Variants in ELL observed in about 807,000 individuals in gnomAD.
ELL encodes the protein elongation factor for RNA polymerase II, also known as RNA polymerase II elongation factor ELL.
In ELL, 18 loss-of-function variants were observed where a neutral mutation model predicts 64.0. The observed-to-expected ratio is 0.28, with a 90% CI of 0.19 to 0.42. ELL has a LOEUF of 0.42. Ranked by LOEUF, ELL falls within the 10% of genes least tolerant of loss-of-function variation. The pLI is 1.00. For synonymous variants in ELL, 399 were observed against 376.2 expected, an observed-to-expected ratio of 1.06 and a Z score of -0.70; for missense variants, 797 against 870.4, an observed-to-expected ratio of 0.92 and a Z score of 1.06.
chr19:18,456,792 C>A (rs1276952764), intron 6 of ELL, among the ~76,000 whole-genome samples: 1 of 152,126 alleles, frequency 6.6e-6, no homozygotes, highest in African/African-American at 2.4e-5. Flanking sequence ...CCTGCAGTGA[C>A]TTGGGCCCCC....
intron 2 of ELL, among the ~76,000 whole-genome samples, chr19:18,468,363 G>A (rs1469643776): frequency 3.3e-5 from 5 of 152,178 alleles, no homozygotes; most frequent in Admixed American, 6.5e-5. Flanking sequence ...CTGCTTCGAC[G>A]CCACTGAGGT....
intron 1 of ELL, among the ~76,000 whole-genome samples, chr19:18,514,524 A>AG (rs1976091129): frequency 6.6e-6 from 1 of 151,568 alleles, no homozygotes; most frequent in African/African-American, 2.4e-5. Context: ...AAAAAAAAAA[A>AG]AAAAAAAAAA....
At chr19:18,508,213 C>T (rs1056538242) in intron 1 of ELL, among the ~76,000 whole-genome samples, 2 of 152,238 alleles carry the variant, frequency 1.3e-5, no homozygotes, top group African/African-American at 4.8e-5. Context: ...GAGGCCAAGG[C>T]GGGAGGATCA....
chr19:18,450,322 G>A (rs1018232233), intron 8 of ELL, among the ~76,000 whole-genome samples, 155 bp downstream of exon 8: 6 of 152,258 alleles, frequency 3.9e-5, no homozygotes, highest in African/African-American at 1.4e-4. Flanking sequence ...GGTGCCAGGT[G>A]CCAGGCACAC....
intron 8 of ELL, among the ~76,000 whole-genome samples, chr19:18,450,108 C>G (rs1974489678): frequency 6.6e-6 from 1 of 152,214 alleles, no homozygotes; most frequent in Non-Finnish European, 1.5e-5. Flanking sequence ...CAGCAGACCT[C>G]AGCATGGCCC....
At chr19:18,465,335 C>A in intron 4 of ELL, 77 bp downstream of exon 4, 1 of 1,512,198 alleles carries the variant, frequency 6.6e-7, no homozygotes, top group South Asian at 1.3e-5. Context: ...CAGTGCCCAG[C>A]CTGGACAGGC....
intron 8 of ELL, among the ~76,000 whole-genome samples, chr19:18,447,895 T>C (rs1974450493): frequency 6.6e-6 from 1 of 151,910 alleles, no homozygotes; most frequent in Non-Finnish European, 1.5e-5. Context: ...AGTGATCCTC[T>C]TGCCTCAGCC....
chr19:18,502,561 A>G (rs1371114910), intron 1 of ELL, among the ~76,000 whole-genome samples: 2 of 152,190 alleles, frequency 1.3e-5, no homozygotes, highest in Admixed American at 6.5e-5. Context: ...AAATATCCCC[A>G]ACCACAAAAG....
chr19:18,466,659 T>A (rs1600452472), intron 2 of ELL, among the ~76,000 whole-genome samples: 2 of 152,176 alleles, frequency 1.3e-5, no homozygotes, highest in East Asian at 1.9e-4. Context: ...CAGGGCGGCA[T>A]CACATCAGAG....
rs147189332 is a variant in ELL at position 18,481,246 on chromosome 19, G to A, written c.136-8364C>T. The stretch of plus-strand genomic sequence containing the variant: ...TGGAATCACATAAGATGAGTTTCCC[G>A]TGGTCCTTGCAACAACTGAGCATAA... On this transcript the variant is annotated intron_variant, in intron 1 of 11. Transcript: ENST00000262809. Among the ~76,000 whole-genome samples, 9 of 152,212 alleles carry A rather than the reference G, an allele frequency of 5.9e-5. No homozygotes were observed. The East Asian group carries it at 1.2e-3, about 20-fold the overall frequency.
chr19:18,459,645 G>T (rs1233585769), intron 5 of ELL, among the ~76,000 whole-genome samples: 1 of 151,854 alleles, frequency 6.6e-6, no homozygotes, highest in Non-Finnish European at 1.5e-5. Flanking sequence ...TCAGCCTCTG[G>T]AGTAGCTGGG....
intron 1 of ELL, among the ~76,000 whole-genome samples, chr19:18,520,849 A>T (rs1393486185): frequency 6.6e-6 from 1 of 151,878 alleles, no homozygotes; most frequent in Non-Finnish European, 1.5e-5. Context: ...AGGAGTTACA[A>T]GGTTCCTAAA....
chr19:18,461,798 G>A lies in ELL; in HGVS notation c.524C>T (p.Ser175Phe). The A allele has an allele frequency of 2.5e-6, 4 of 1,614,138 alleles. No individual in the cohort carries two copies. Among genetic ancestry groups the A allele is most frequent in the South Asian group, 2.2e-5 (2 of 91,088 alleles). Residue 175 changes from serine to phenylalanine, a missense_variant, in exon 5 of 12, where the codon TCC (serine) becomes TTC (phenylalanine). Physicochemically the swap from Ser to Phe is radical, Grantham distance 155. Coordinates refer to ENST00000262809, the MANE Select transcript of ELL (RefSeq NM_006532.4). ...GTTGATGGGGGTTGCCCGCTTCCGGGAGGGCACCGCGTCTGTTGCACCTGG... is the reference window on the plus strand; with the variant it reads ...GTTGATGGGGGTTGCCCGCTTCCGGAAGGGCACCGCGTCTGTTGCACCTGG... The part of the protein sequence containing the change: ...PAPGATDAVP[S>F]RKRATPINLA...
intron 1 of ELL, among the ~76,000 whole-genome samples, chr19:18,513,864 G>A (rs1019558356): frequency 2.6e-5 from 4 of 152,186 alleles, no homozygotes; most frequent in Non-Finnish European, 5.9e-5. Context: ...CTGGGAGGCA[G>A]AGGTTGCAGT....
At chr19:18,474,012 C>T (rs554552230) in intron 1 of ELL, among the ~76,000 whole-genome samples, 2 of 152,350 alleles carry the variant, frequency 1.3e-5, no homozygotes, top group African/African-American at 2.4e-5. Context: ...TCGGAAGACC[C>T]GGGGTAAGCG....
At chr19:18,476,868 T>C (rs1032146414) in intron 1 of ELL, among the ~76,000 whole-genome samples, 1 of 152,180 alleles carries the variant, frequency 6.6e-6, no homozygotes, top group Non-Finnish European at 1.5e-5. Context: ...CACCCAGCCA[T>C]TAACAGACAC....
chr19:18,465,714 G>A, intron 3 of ELL, 83 bp downstream of exon 3: 6 of 1,455,050 alleles, frequency 4.1e-6, no homozygotes, highest in Non-Finnish European at 5.5e-6. Context: ...TGGTTTCAAT[G>A]GGGCACATCT....
At chr19:18,469,001 C>T (rs1975007878) in intron 2 of ELL, among the ~76,000 whole-genome samples, 1 of 152,176 alleles carries the variant, frequency 6.6e-6, no homozygotes, top group African/African-American at 2.4e-5. Flanking sequence ...CTTTTCCACA[C>T]AGGTGTAGAC....
chr19:18,490,757 C>T (rs1975512304), intron 1 of ELL, among the ~76,000 whole-genome samples: 1 of 152,222 alleles, frequency 6.6e-6, no homozygotes, highest in Non-Finnish European at 1.5e-5. Flanking sequence ...CACAACCCTC[C>T]TCCCCTCAAA....
Sources: gnomAD v4.1 joint callset for allele counts (sites outside exome capture counted in the v4.1 genomes callset) on GRCh38, gnomAD v4.1.1 for gene constraint, MANE v1.5 for transcripts, NCBI Gene and HGNC (gene_info 2026-07-23, HGNC 2026-07-21) for gene names.